The following HIVEP2 variants were observed in gnomAD, a reference collection of about 807,000 sequenced individuals.
HIVEP2 encodes transcription factor HIVEP2.
HIVEP2 carries 14 observed loss-of-function variants against 180.7 expected under a neutral mutation model. The ratio of observed to expected loss-of-function variants is 0.08; its 90% confidence interval spans 0.05 to 0.12. The LOEUF is 0.12. Among genes scored for constraint, HIVEP2 ranks in the 10% least tolerant of loss-of-function variants. The pLI, the probability that HIVEP2 is intolerant of heterozygous loss-of-function variation, is 1.00. For missense variants in HIVEP2, 2,579 were observed against 3,008.5 expected (o/e 0.86, Z 3.34); for synonymous variants, 1,184 against 1,136.4 (o/e 1.04, Z -0.84).
intron 1 of HIVEP2, among the ~76,000 whole-genome samples, chr6:142,893,829 T>C (rs1032066245): frequency 6.6e-6 from 1 of 152,200 alleles, no homozygotes; most frequent in Non-Finnish European, 1.5e-5. Flanking sequence ...TATTGGTTTA[T>C]AGGTAATTCT....
In HIVEP2 at chr6:142,775,126, C is replaced by G; in HGVS notation, c.-387-1G>C. 1 of 978,670 alleles carries G rather than the reference C, an allele frequency of 1.0e-6. No individual in the cohort carries two copies. Among genetic ancestry groups the G allele is most frequent in the Non-Finnish European group, 1.2e-6 (1 of 823,394 alleles). 60.6% of individuals were successfully genotyped at this position (978,670 alleles called of 1,614,324 possible). ...GCCAGTTTCACTAAGATAAAATGAT[C>G]TGAAGAAAAAGAAAATACAAAGAGA... On this transcript the variant is annotated splice_acceptor_variant, in intron 4 of 9. Coordinates refer to ENST00000367603, the MANE Select transcript of HIVEP2 (RefSeq NM_006734.4). LOFTEE classifies it low-confidence loss of function (5UTR_SPLICE).
chr6:142,886,310 A>T (rs928658888), intron 1 of HIVEP2, among the ~76,000 whole-genome samples: 21 of 152,222 alleles, frequency 1.4e-4, no homozygotes, highest in Non-Finnish European at 2.8e-4. Flanking sequence ...TGGTTTTTTT[A>T]AATTTTATGA....
At chr6:142,804,515 T>C (rs529762871) in intron 2 of HIVEP2, among the ~76,000 whole-genome samples, 62 of 152,110 alleles carry the variant, frequency 4.1e-4, no homozygotes, top group African/African-American at 1.4e-3. Flanking sequence ...ACTGAAGACT[T>C]AATGGCCTGC....
chr6:142,803,105 C>T (rs985787831), intron 2 of HIVEP2, among the ~76,000 whole-genome samples: 1 of 152,074 alleles, frequency 6.6e-6, no homozygotes, highest in Non-Finnish European at 1.5e-5. Flanking sequence ...CTGCATTTGA[C>T]CAGGTCAAGA....
intron 1 of HIVEP2, among the ~76,000 whole-genome samples, chr6:142,926,268 T>C (rs1777807802): frequency 1.3e-5 from 2 of 152,238 alleles, no homozygotes. Context: ...GCTTTGACAC[T>C]GTCTTCAAAT....
intron 1 of HIVEP2, among the ~76,000 whole-genome samples, chr6:142,944,072 T>TAA (rs1189050586): frequency 6.6e-6 from 1 of 152,186 alleles, no homozygotes; most frequent in African/African-American, 2.4e-5. Context: ...CAGTCCTTTT[T>TAA]AGTTAGATGC....
intron 2 of HIVEP2, among the ~76,000 whole-genome samples, chr6:142,789,196 CT>C (rs140864799): frequency 0.19 from 29,217 of 152,034 alleles, 3,006 homozygotes; most frequent in Middle Eastern, 0.27. Flanking sequence ...AGTACACTAG[CT>C]TTTGCCTTGA....
chr6:142,793,391 G>T (rs1776187711), intron 2 of HIVEP2, among the ~76,000 whole-genome samples: 1 of 152,056 alleles, frequency 6.6e-6, no homozygotes, highest in African/African-American at 2.4e-5. Context: ...AGTGACTGAG[G>T]TGATTCTTTT....
At chr6:142,758,835 T>C (rs1303884770) in intron 9 of HIVEP2, among the ~76,000 whole-genome samples, 6 of 152,134 alleles carry the variant, frequency 3.9e-5, no homozygotes, top group African/African-American at 1.4e-4. Context: ...CCGTTCTCCT[T>C]GGGCCCACGC....
intron 2 of HIVEP2, among the ~76,000 whole-genome samples, chr6:142,792,153 T>A (rs1776153649): frequency 6.6e-6 from 1 of 152,128 alleles, no homozygotes; most frequent in South Asian, 2.1e-4. Flanking sequence ...CAGAGAGACA[T>A]CAGTGGTTCT....
chr6:142,760,390 A>G lies in HIVEP2; in HGVS notation c.5898T>C (p.Ser1966=), dbSNP rs764450037. ...GVPSDSSLGH[S]SLISYLVTLP... is the part of the protein sequence containing the mutation. ...AAGTAACCAAATAGCTGATCAACGA[A>G]GAATGTCCCAGGGAACTATCTGAAG... Residue 1966 remains serine, a synonymous_variant, in exon 9 of 10, where the codon TCT becomes TCC. Coordinates refer to ENST00000367603, the MANE Select transcript of HIVEP2 (RefSeq NM_006734.4). 6.2e-7 allele frequency: 1 copy of G among 1,614,202 alleles called. No individual in the cohort carries two copies. The highest frequency in any genetic ancestry group is 1.1e-5 in the South Asian group (1 of 91,082).
chr6:142,757,127 G>A (rs1775097748), intron 9 of HIVEP2, among the ~76,000 whole-genome samples: 1 of 151,994 alleles, frequency 6.6e-6, no homozygotes, highest in Non-Finnish European at 1.5e-5. Context: ...TACTCCAAAC[G>A]CAGGCAGAAT....
At chr6:142,907,357 C>T (rs1777290442) in intron 1 of HIVEP2, among the ~76,000 whole-genome samples, 1 of 151,298 alleles carries the variant, frequency 6.6e-6, no homozygotes, top group Admixed American at 6.6e-5. Flanking sequence ...TTGTCGCCTT[C>T]TAGCACTACC....
chr6:142,900,791 T>C (rs1285148478), intron 1 of HIVEP2, among the ~76,000 whole-genome samples: 1 of 152,172 alleles, frequency 6.6e-6, no homozygotes, highest in Non-Finnish European at 1.5e-5. Context: ...AAGACCTTAT[T>C]ATAATACACA....
At chr6:142,855,961 T>C (rs1268211862) in intron 1 of HIVEP2, among the ~76,000 whole-genome samples, 1 of 152,226 alleles carries the variant, frequency 6.6e-6, no homozygotes, top group African/African-American at 2.4e-5. Flanking sequence ...TTTTCCCAAC[T>C]GAAACACCAG....
chr6:142,896,728 C>T (rs1048659302), intron 1 of HIVEP2, among the ~76,000 whole-genome samples: 2 of 152,126 alleles, frequency 1.3e-5, no homozygotes, highest in East Asian at 3.9e-4. Flanking sequence ...TAGTAGTATA[C>T]CTCCTTCTGC....
At chr6:142,758,479 G>A (rs191444310) in intron 9 of HIVEP2, among the ~76,000 whole-genome samples, 3 of 152,326 alleles carry the variant, frequency 2.0e-5, no homozygotes, top group Admixed American at 2.0e-4. Flanking sequence ...TCCTCTGGCT[G>A]TGAAGGATGG....
chr6:142,944,558 G>A (rs899773069), intron 1 of HIVEP2, among the ~76,000 whole-genome samples: 46 of 152,326 alleles, frequency 3.0e-4, no homozygotes, highest in African/African-American at 1.1e-3. Flanking sequence ...AGGAGCAGCA[G>A]CAGCACATCT....
chr6:142,844,089 C>T (rs1422439077), intron 1 of HIVEP2, among the ~76,000 whole-genome samples: 1 of 152,150 alleles, frequency 6.6e-6, no homozygotes, highest in African/African-American at 2.4e-5. Flanking sequence ...CTTCTCTTTC[C>T]TCCCACACTG....
Sources: allele counts gnomAD v4.1 joint callset (sites outside exome capture counted in the v4.1 genomes callset), GRCh38; gene constraint gnomAD v4.1.1; transcripts MANE v1.5; gene names NCBI Gene and HGNC (gene_info 2026-07-23, HGNC 2026-07-21).